Variants in TMPRSS13 observed in about 807,000 individuals in gnomAD.
TMPRSS13 encodes the protein transmembrane serine protease 13, also known as transmembrane protease serine 13.
Under a neutral mutation model 68.4 loss-of-function variants are expected in TMPRSS13, and 50 were observed. The ratio of observed to expected loss-of-function variants is 0.73; its 90% CI spans 0.58 to 0.93. TMPRSS13 has a LOEUF of 0.93. Ranked by LOEUF, TMPRSS13 falls within the 40% of genes least tolerant of loss-of-function variation. The pLI, the probability that TMPRSS13 is intolerant of heterozygous loss-of-function variation, is 0.00. For missense variants in TMPRSS13, 615 were observed against 729.2 expected, an observed-to-expected ratio of 0.84 and a Z score of 1.80; for synonymous variants, 267 against 285.8, an observed-to-expected ratio of 0.93 and a Z score of 0.66.
chr11:117,923,924 G>A (rs2057672221), intron 1 of TMPRSS13, among the ~76,000 whole-genome samples: 1 of 151,388 alleles, frequency 6.6e-6, no homozygotes, highest in African/African-American at 2.4e-5. Context: ...GAGGGCGGGT[G>A]CATCAGGGCC....
chr11:117,924,429 G>T (rs118191374), intron 1 of TMPRSS13, among the ~76,000 whole-genome samples: 1 of 151,966 alleles, frequency 6.6e-6, no homozygotes, highest in African/African-American at 2.4e-5. Context: ...CCGTGGCAGC[G>T]TCCCTTTTCC....
intron 8 of TMPRSS13, 39 bp downstream of exon 8, chr11:117,909,767 C>T (rs754305897): frequency 1.3e-6 from 2 of 1,589,532 alleles, no homozygotes; most frequent in Admixed American, 3.4e-5. Flanking sequence ...GGTTCCCGAC[C>T]CTGGGCAGTG....
chr11:117,920,865 T>G (rs1031353720), intron 1 of TMPRSS13, among the ~76,000 whole-genome samples: 6 of 152,202 alleles, frequency 3.9e-5, no homozygotes, highest in African/African-American at 1.2e-4. Context: ...TCTGATTGCC[T>G]CCATTCCCAA....
intron 1 of TMPRSS13, among the ~76,000 whole-genome samples, chr11:117,925,494 T>G (rs1007263544): frequency 1.3e-5 from 2 of 152,228 alleles, no homozygotes; most frequent in Non-Finnish European, 1.5e-5. Context: ...CCCAGGAACT[T>G]GCTGCCTCAA....
Position 117,927,122 on chromosome 11 carries a change from C to G in TMPRSS13, c.21+2165G>C, listed in dbSNP as rs1374446487. Reference sequence around the variant, plus strand: ...ACCAATTTTGCACAATCAAAGGCAGCCAACTGTTCAAACAGTGTTCAAATA... The same window carrying G: ...ACCAATTTTGCACAATCAAAGGCAGGCAACTGTTCAAACAGTGTTCAAATA... On this transcript the variant is annotated intron_variant, in intron 1 of 12. Coordinates refer to ENST00000524993, the MANE Select transcript of TMPRSS13 (RefSeq NM_001077263.3). Among the ~76,000 whole-genome samples, 7 of 152,278 alleles carry G rather than the reference C, an allele frequency of 4.6e-5. 1 individual carries two copies. In the East Asian group the frequency reaches 1.2e-3, roughly 25 times the overall value.
At chr11:117,929,173 G>T in intron 1 of TMPRSS13, 114 bp downstream of exon 1, 1 of 815,268 alleles carries the variant, frequency 1.2e-6, no homozygotes, top group Non-Finnish European at 1.8e-6. Flanking sequence ...AAGAGGCACA[G>T]CCAGTTTCCC....
rs1022679683 is a variant in TMPRSS13 at position 117,915,407 on chromosome 11, C to T, written c.557-893G>A. 4.6e-5 allele frequency among the ~76,000 whole-genome samples: 7 copies of T among 152,314 alleles called. No individual in the cohort carries two copies. The highest frequency in any genetic ancestry group is 3.3e-4 in the Admixed American group (5 of 15,302). ...GCTCTCCATCACCCAGGGTAAAGGC[C>T]GCCCGGGTGTGACTGCTCCTTCCAG... On this transcript the variant is annotated intron_variant, in intron 3 of 12. Transcript: ENST00000524993. The surrounding 1 kb of genome is among the most constrained non-coding windows in gnomAD (Gnocchi z 4.9).
At chr11:117,928,773 T>G (rs1413565900) in intron 1 of TMPRSS13, among the ~76,000 whole-genome samples, 10 of 152,128 alleles carry the variant, frequency 6.6e-5, no homozygotes, top group Non-Finnish European at 1.2e-4. Flanking sequence ...CAAAAAGAAG[T>G]GACCAACGGA....
At chr11:117,911,976 G>C in intron 5 of TMPRSS13, 116 bp from the exon 6 acceptor site, 1 of 769,084 alleles carries the variant, frequency 1.3e-6, no homozygotes. Context: ...GTGATGGTCT[G>C]AATGGTGGCC....
chr11:117,910,601 C>T lies in TMPRSS13; in HGVS notation c.946+106G>A, dbSNP rs528166951. 7.8e-6 allele frequency: 9 copies of T among 1,159,866 alleles called. No individual in the cohort carries two copies. In the South Asian group the frequency reaches 9.1e-5, roughly 12 times the overall value. The allele number at this position is 1,159,866 out of a possible 1,614,324, so 71.8% of individuals were successfully genotyped here. ...CAGGCCTGCTGGCTAAGACACTGTT[C>T]CTGACTTGAACCCCTGTGCCAAACA... On this transcript the variant is annotated intron_variant, in intron 7 of 12. Coordinates refer to ENST00000524993, the MANE Select transcript of TMPRSS13 (RefSeq NM_001077263.3).
At chr11:117,916,225 C>T (rs2057577152) in intron 3 of TMPRSS13, among the ~76,000 whole-genome samples, 1 of 152,210 alleles carries the variant, frequency 6.6e-6, no homozygotes, top group Non-Finnish European at 1.5e-5. Context: ...AACAGACGGC[C>T]CCAGGTCCCT....
chr11:117,904,861 TTATATATATATATATATA>T lies in TMPRSS13; in HGVS notation c.1381+759_1382-761del, dbSNP rs58001868. 2.3e-3 allele frequency among the ~76,000 whole-genome samples: 232 copies of T among 100,732 alleles called. 6 individuals are homozygous for T. Among genetic ancestry groups the T allele is most frequent in the African/African-American group, 5.3e-3 (153 of 28,784 alleles). 66.1% of individuals were successfully genotyped at this position (100,732 alleles called of 152,430 possible). On this transcript the variant is annotated intron_variant, in intron 10 of 12. Transcript: ENST00000524993. Reference sequence around the variant, plus strand: ...TACCACTTAGAGCTCCTAGATAAGATTATATATATATATATATATATATATATATATATATATATATAT... The same window carrying T: ...TACCACTTAGAGCTCCTAGATAAGATTATATATATATATATATATATATAT...
chr11:117,923,033 C>A (rs2057663110), intron 1 of TMPRSS13, among the ~76,000 whole-genome samples: 1 of 152,228 alleles, frequency 6.6e-6, no homozygotes, highest in Non-Finnish European at 1.5e-5. Flanking sequence ...CGGTAAGGGA[C>A]AAGCCAGGGA....
chr11:117,903,405 A>G (rs1323791868), intron 12 of TMPRSS13: 3 of 1,535,744 alleles, frequency 2.0e-6, no homozygotes, highest in Non-Finnish European at 2.6e-6. Flanking sequence ...CTGCCCAGCA[A>G]CTGCCTGCCT....
At chr11:117,903,494 TG>T in intron 12 of TMPRSS13, 160 bp downstream of exon 12, 1 of 1,543,524 alleles carries the variant, frequency 6.5e-7, no homozygotes, top group Non-Finnish European at 8.7e-7. Flanking sequence ...CACAGACAGC[TG>T]GGATTGACCC....
intron 9 of TMPRSS13, chr11:117,907,720 G>T: frequency 2.4e-6 from 2 of 840,464 alleles, no homozygotes; most frequent in Non-Finnish European, 2.9e-6. Flanking sequence ...CCCCTAGCCT[G>T]CCAGGATGAT....
intron 9 of TMPRSS13, among the ~76,000 whole-genome samples, chr11:117,906,758 AAAAACATGTAACACTGTTACATG>A (rs1252382437): frequency 2.0e-5 from 3 of 152,166 alleles, no homozygotes; most frequent in African/African-American, 7.2e-5. Context: ...GTAAAGTTTT[AAAAACATGTAACACTGTTACATG>A]ATCCATCGTT....
chr11:117,911,341 C>T (rs2057521325), intron 6 of TMPRSS13, among the ~76,000 whole-genome samples: 1 of 152,190 alleles, frequency 6.6e-6, no homozygotes, highest in Admixed American at 6.5e-5. Context: ...TGTCCCCTAA[C>T]TGCACTGGTG....
At chr11:117,902,484 C>T (rs1463611047) in intron 12 of TMPRSS13, among the ~76,000 whole-genome samples, 1 of 152,228 alleles carries the variant, frequency 6.6e-6, no homozygotes, top group Non-Finnish European at 1.5e-5. Flanking sequence ...TGAGCCCTCC[C>T]CTGTTCCCCA....
Sources: allele counts gnomAD v4.1 joint callset (sites outside exome capture counted in the v4.1 genomes callset), GRCh38; gene constraint gnomAD v4.1.1; non-coding constraint Gnocchi (gnomAD v3.1); transcripts MANE v1.5; gene names NCBI Gene and HGNC (gene_info 2026-07-23, HGNC 2026-07-21).